Variants in ALKBH8 observed in about 807,000 individuals in gnomAD.
The protein encoded by ALKBH8 is alkB homolog 8, tRNA methyltransferase.
A neutral mutation model predicts 59.8 loss-of-function variants in ALKBH8; 36 were observed. That is an observed-to-expected ratio of 0.60 (90% CI 0.46 to 0.79). The LOEUF is 0.79. Among genes scored for constraint, ALKBH8 ranks in the 30% least tolerant of loss-of-function variants. The probability of loss-of-function intolerance (pLI) is 0.00; values close to 1 mark genes in which losing one functional copy is unlikely to be tolerated. For synonymous variants in ALKBH8, 276 were observed against 273.6 expected (o/e 1.01, Z -0.09); for missense variants, 768 against 801.0 (o/e 0.96, Z 0.50).
intron 11 of ALKBH8, among the ~76,000 whole-genome samples, chr11:107,507,448 T>C (rs967815580): frequency 9.2e-5 from 14 of 152,044 alleles, no homozygotes; most frequent in African/African-American, 3.1e-4. Flanking sequence ...AGCTGGGAAA[T>C]ATCGGGAAAT....
chr11:107,549,999 T>TA (rs1342645581), intron 6 of ALKBH8, among the ~76,000 whole-genome samples, 176 bp from the exon 7 acceptor site: 2 of 152,182 alleles, frequency 1.3e-5, no homozygotes, highest in African/African-American at 2.4e-5. Context: ...CATACTAAAA[T>TA]AAACTAAAAA....
At chr11:107,512,621 T>C (rs1166430311) in intron 10 of ALKBH8, among the ~76,000 whole-genome samples, 2 of 152,138 alleles carry the variant, frequency 1.3e-5, no homozygotes, top group Non-Finnish European at 2.9e-5. Context: ...CCACAAGAAA[T>C]GTTAAGTCAC....
At chr11:107,511,305 G>C (rs536320324) in intron 10 of ALKBH8, among the ~76,000 whole-genome samples, 1 of 152,238 alleles carries the variant, frequency 6.6e-6, no homozygotes, top group Non-Finnish European at 1.5e-5. Context: ...GGTGGAAATG[G>C]GAGGTCCAAA....
At position 107,562,013 on chromosome 11, in the gene ALKBH8, G is replaced by A. The variant is rs576774037; in HGVS notation, c.-6-1114C>T. 3.3e-5 allele frequency among the ~76,000 whole-genome samples: 5 copies of A among 152,264 alleles called. No homozygotes were observed. The South Asian group carries it at 1.0e-3, about 32-fold the overall frequency. On this transcript the variant is annotated intron_variant, in intron 1 of 11. Transcript: ENST00000428149. Reference sequence around the variant, plus strand: ...TGACACAAATTAGAGACAAAAATAAGATGGATGTGGGCTGGGAGCAGTGAC... The same window carrying A: ...TGACACAAATTAGAGACAAAAATAAAATGGATGTGGGCTGGGAGCAGTGAC...
intron 6 of ALKBH8, 108 bp downstream of exon 6, chr11:107,551,700 A>AT: frequency 5.4e-6 from 2 of 367,878 alleles, no homozygotes; most frequent in South Asian, 1.3e-4. Context: ...ATCTCAAAAA[A>AT]AAAAAAATAA....
intron 7 of ALKBH8, among the ~76,000 whole-genome samples, chr11:107,532,971 G>T (rs1247665423): frequency 6.6e-6 from 1 of 151,810 alleles, no homozygotes; most frequent in Non-Finnish European, 1.5e-5. Context: ...AATCTAAGAA[G>T]AAATAAATAT....
chr11:107,559,949 T>C (rs1373885545), intron 2 of ALKBH8, among the ~76,000 whole-genome samples: 2 of 152,250 alleles, frequency 1.3e-5, no homozygotes, highest in Non-Finnish European at 2.9e-5. Context: ...GCTTACTTTC[T>C]ACTTTTATTC....
At chr11:107,560,671 A>G in intron 2 of ALKBH8, 94 bp downstream of exon 2, 2 of 1,246,214 alleles carry the variant, frequency 1.6e-6, no homozygotes, top group Non-Finnish European at 2.2e-6. Flanking sequence ...TGACTGAACA[A>G]TTACAGCCTT....
intron 6 of ALKBH8, among the ~76,000 whole-genome samples, chr11:107,550,513 C>T (rs1285791144): frequency 2.0e-5 from 3 of 152,212 alleles, no homozygotes; most frequent in African/African-American, 7.2e-5. Flanking sequence ...ATCCTACAGG[C>T]CTCTGCGTCT....
At chr11:107,539,450 A>T (rs1863948843) in intron 7 of ALKBH8, among the ~76,000 whole-genome samples, 1 of 152,020 alleles carries the variant, frequency 6.6e-6, no homozygotes, top group Non-Finnish European at 1.5e-5. Context: ...AAATACAAAA[A>T]ATGGCCGGCA....
chr11:107,513,339 A>T, intron 10 of ALKBH8, among the ~76,000 whole-genome samples: 1 of 152,226 alleles, frequency 6.6e-6, no homozygotes. Flanking sequence ...AATCAAAACC[A>T]CAATGAGATA....
intron 7 of ALKBH8, among the ~76,000 whole-genome samples, chr11:107,544,815 C>CCACACACACACACACA (rs5794557): frequency 7.2e-6 from 1 of 138,454 alleles, no homozygotes; most frequent in African/African-American, 2.7e-5. Flanking sequence ...TAGATACAAA[C>CCACACACACACACACA]CACACACACA....
intron 7 of ALKBH8, among the ~76,000 whole-genome samples, chr11:107,532,784 A>G (rs531337919): frequency 6.6e-6 from 1 of 152,280 alleles, no homozygotes; most frequent in East Asian, 1.9e-4. Flanking sequence ...TCTTCCATTT[A>G]TTAGCCACGT....
At chr11:107,549,096 C>G (rs1406471252) in intron 7 of ALKBH8, among the ~76,000 whole-genome samples, 2 of 152,094 alleles carry the variant, frequency 1.3e-5, no homozygotes, top group African/African-American at 4.8e-5. Context: ...CGTGATCTGC[C>G]CGCCTCAGCC....
At chr11:107,505,259 G>A in intron 11 of ALKBH8, 44 bp from the exon 12 acceptor site, 2 of 1,429,046 alleles carry the variant, frequency 1.4e-6, no homozygotes, top group Non-Finnish European at 9.3e-7. Flanking sequence ...GGAAGAGACA[G>A]GAAATCAGAA....
intron 3 of ALKBH8, 33 bp downstream of exon 3, chr11:107,556,733 A>C: frequency 2.3e-6 from 3 of 1,295,880 alleles, no homozygotes; most frequent in Non-Finnish European, 3.0e-6. Context: ...ACCCAGAAGA[A>C]TCATTTTTTA....
intron 11 of ALKBH8, among the ~76,000 whole-genome samples, chr11:107,506,959 G>C (rs1025309000): frequency 4.6e-5 from 7 of 151,342 alleles, no homozygotes; most frequent in African/African-American, 1.7e-4. Flanking sequence ...AAGGGCAGAA[G>C]GGGTTAAATG....
At chr11:107,516,792 G>A (rs2135486972) in intron 10 of ALKBH8, among the ~76,000 whole-genome samples, 1 of 152,318 alleles carries the variant, frequency 6.6e-6, no homozygotes, top group African/African-American at 2.4e-5. Context: ...ACAAAGGTGG[G>A]TGGATCACTG....
intron 7 of ALKBH8, among the ~76,000 whole-genome samples, chr11:107,546,069 A>G (rs924064463): frequency 2.0e-5 from 3 of 152,214 alleles, no homozygotes; most frequent in Non-Finnish European, 4.4e-5. Context: ...TGTTCTAAAA[A>G]ATTAGTACAT....
Sources: allele counts gnomAD v4.1 joint callset (sites outside exome capture counted in the v4.1 genomes callset), GRCh38; gene constraint gnomAD v4.1.1; transcripts MANE v1.5; gene names NCBI Gene and HGNC (gene_info 2026-07-23, HGNC 2026-07-21).